The following FAM53B variants were observed in gnomAD, a reference collection of about 807,000 sequenced individuals.
FAM53B encodes the protein protein FAM53B.
FAM53B carries 12 observed loss-of-function variants against 32.7 expected under a neutral mutation model. That is an observed-to-expected ratio of 0.37 (90% confidence interval 0.24 to 0.59). The LOEUF (loss-of-function observed/expected upper bound fraction) is 0.59, where lower values mean the gene tolerates loss of function less well. Among genes scored for constraint, FAM53B ranks in the 20% least tolerant of loss-of-function variants. FAM53B has a pLI of 0.72. For missense variants in FAM53B, 477 were observed against 577.7 expected (o/e 0.83, Z 1.79); for synonymous variants, 234 against 228.7 (o/e 1.02, Z -0.21).
At chr10:124,629,848 G>A (rs1252832295) in intron 4 of FAM53B, among the ~76,000 whole-genome samples, 1 of 152,242 alleles carries the variant, frequency 6.6e-6, no homozygotes, top group Admixed American at 6.5e-5. Context: ...TGGATTTTGC[G>A]TGAAGGCCGT....
chr10:124,706,257 G>T (rs1421379982), intron 2 of FAM53B, among the ~76,000 whole-genome samples: 3 of 152,130 alleles, frequency 2.0e-5, no homozygotes, highest in Admixed American at 6.5e-5. Flanking sequence ...CCCTTCAGAG[G>T]GACAGGCTTA....
rs1589748094 is a variant in FAM53B, at chr10:124,678,816, AG to A, written c.906+2790del. On this transcript the variant is annotated intron_variant, in intron 4 of 4. Transcript: ENST00000337318. ...GGACCCTTTCCTGCTGGCGGATTGGAGGGGCTCCAGCTAACCACAGTCTATC... is the reference window on the plus strand; with the variant it reads ...GGACCCTTTCCTGCTGGCGGATTGGAGGGCTCCAGCTAACCACAGTCTATC... Among the ~76,000 whole-genome samples the A allele has an allele frequency of 6.6e-5, 10 of 152,210 alleles. 1 individual carries two copies. In the East Asian group the frequency reaches 1.9e-3, roughly 29 times the overall value.
At chr10:124,702,011 C>G (rs950490953) in intron 2 of FAM53B, among the ~76,000 whole-genome samples, 9 of 152,182 alleles carry the variant, frequency 5.9e-5, no homozygotes, top group African/African-American at 2.2e-4. Flanking sequence ...GAATTGGCCA[C>G]GAGCTCCTCC....
chr10:124,621,029 C>G lies in FAM53B; in HGVS notation c.*2213G>C, dbSNP rs1949307407. ...TGGCAGGCAAGGTTTGAGGGCAGGTCACCCACACCCCAGTCCCACGACATA... is the reference window on the plus strand; with the variant it reads ...TGGCAGGCAAGGTTTGAGGGCAGGTGACCCACACCCCAGTCCCACGACATA... On this transcript the variant is annotated 3_prime_UTR_variant, in exon 5 of 5. Coordinates refer to ENST00000337318, the MANE Select transcript of FAM53B (RefSeq NM_014661.4). 1 of 152,216 alleles carries G rather than the reference C, an allele frequency of 6.6e-6. No individual in the cohort carries two copies. Among genetic ancestry groups the G allele is most frequent in the African/African-American group, 2.4e-5 (1 of 41,424 alleles). The allele number at this position is 152,216 out of a possible 1,614,324, so 9.4% of individuals were successfully genotyped here. A position where few individuals can be genotyped will look rare whatever the true frequency, so the allele number is the denominator to read the frequency against.
chr10:124,726,921 T>C lies in FAM53B; in HGVS notation c.-175+17092A>G, dbSNP rs546389475. ...AGTTATCTACTTGGTACACAGCAGC[T>C]AGGCTGCCTGTCATGAGAATTTAAA... is the stretch of plus-strand genomic sequence containing the variant. On this transcript the variant is annotated intron_variant, in intron 1 of 4. Coordinates refer to ENST00000337318, the MANE Select transcript of FAM53B (RefSeq NM_014661.4). Among the ~76,000 whole-genome samples, 114 of 152,374 alleles carry C rather than the reference T, an allele frequency of 7.5e-4. 3 individuals are homozygous for C. The South Asian group carries it at 0.023, about 31-fold the overall frequency.
rs1468787292 is a variant in FAM53B, at chr10:124,727,348, G to A, written c.-175+16665C>T. ...GTGATTGTGGGGGGGGGGGGGGTGC[G>A]GGGGTACAAAATGAATCCCCAGGTC... On this transcript the variant is annotated intron_variant, in intron 1 of 4. Coordinates refer to ENST00000337318, the MANE Select transcript of FAM53B (RefSeq NM_014661.4). Among the ~76,000 whole-genome samples, 14 of 146,050 alleles carry A rather than the reference G, an allele frequency of 9.6e-5. 1 individual carries two copies. Among genetic ancestry groups the A allele is most frequent in the African/African-American group, 2.8e-4 (11 of 39,116 alleles).
At chr10:124,676,786 A>C (rs1949739240) in intron 4 of FAM53B, among the ~76,000 whole-genome samples, 1 of 152,042 alleles carries the variant, frequency 6.6e-6, no homozygotes, top group South Asian at 2.1e-4. Flanking sequence ...CGGCTCTCAG[A>C]GGCTTCCCAA....
At chr10:124,672,528 C>G (rs1949712668) in intron 4 of FAM53B, among the ~76,000 whole-genome samples, 1 of 152,234 alleles carries the variant, frequency 6.6e-6, no homozygotes, top group South Asian at 2.1e-4. Context: ...CCCCTTGTTT[C>G]CCGGAGCTGC....
At chr10:124,712,038 G>GAT (rs1018867495) in intron 1 of FAM53B, among the ~76,000 whole-genome samples, 42 of 152,102 alleles carry the variant, frequency 2.8e-4, no homozygotes, top group African/African-American at 1.0e-3. Flanking sequence ...CCAGCCTGGT[G>GAT]ATAGAGGGAG....
rs577283755 is a variant in FAM53B at position 124,648,017 on chromosome 10, C to T, written c.907-24413G>A. Among the ~76,000 whole-genome samples the T allele has an allele frequency of 1.9e-4, 29 of 152,280 alleles. 1 individual carries two copies. The highest frequency in any genetic ancestry group is 6.5e-4 in the African/African-American group (27 of 41,552). On this transcript the variant is annotated intron_variant, in intron 4 of 4. Transcript: ENST00000337318. ...GAGTCAACAGGAAATGCACTGGGGACGCCATGGGGCTGGCTGAGGCCTCAC... is the reference window on the plus strand; with the variant it reads ...GAGTCAACAGGAAATGCACTGGGGATGCCATGGGGCTGGCTGAGGCCTCAC...
chr10:124,701,352 T>C (rs1214662457), intron 2 of FAM53B, among the ~76,000 whole-genome samples: 1 of 152,270 alleles, frequency 6.6e-6, no homozygotes, highest in African/African-American at 2.4e-5. Flanking sequence ...GTGCTTGTTC[T>C]AGCTACCAGA....
chr10:124,740,092 A>C (rs1589770214), intron 1 of FAM53B, among the ~76,000 whole-genome samples: 2 of 152,174 alleles, frequency 1.3e-5, no homozygotes, highest in Non-Finnish European at 2.9e-5. Context: ...ACTCCAAGAC[A>C]CCCAGAAGCC....
rs1349283447 is a variant in FAM53B, at chr10:124,711,979, G to T, written c.-174-5092C>A. ...TCAGAAGTCTGAGGCAAGATGGCTTGAGCCCAGGAGTTTGAAGTTGAAATG... is the reference window on the plus strand; with the variant it reads ...TCAGAAGTCTGAGGCAAGATGGCTTTAGCCCAGGAGTTTGAAGTTGAAATG... On this transcript the variant is annotated intron_variant, in intron 1 of 4. Transcript: ENST00000337318. Among the ~76,000 whole-genome samples the T allele has an allele frequency of 3.3e-5, 5 of 152,162 alleles. 1 individual carries two copies. Among genetic ancestry groups the T allele is most frequent in the Admixed American group, 3.3e-4 (5 of 15,284 alleles).
At chr10:124,656,411 T>C (rs1477164429) in intron 4 of FAM53B, among the ~76,000 whole-genome samples, 1 of 152,246 alleles carries the variant, frequency 6.6e-6, no homozygotes, top group East Asian at 1.9e-4. Flanking sequence ...TTGGGTACAA[T>C]GCCACAGTGA....
chr10:124,662,766 G>A (rs1385542794), intron 4 of FAM53B, among the ~76,000 whole-genome samples: 1 of 152,224 alleles, frequency 6.6e-6, no homozygotes, highest in Admixed American at 6.5e-5. Flanking sequence ...CAAGGTTATA[G>A]TTAGCTACGA....
chr10:124,627,165 G>C (rs1949361201), intron 4 of FAM53B, among the ~76,000 whole-genome samples: 1 of 152,196 alleles, frequency 6.6e-6, no homozygotes, highest in South Asian at 2.1e-4. Context: ...CCACCTGTCA[G>C]GAAGGAATGT....
intron 1 of FAM53B, among the ~76,000 whole-genome samples, chr10:124,716,539 A>C (rs1950039350): frequency 6.6e-6 from 1 of 152,156 alleles, no homozygotes. Context: ...AGCCAAAACA[A>C]ATCTCAACAT....
At position 124,667,218 on chromosome 10, in the gene FAM53B, T is replaced by C. The variant is rs563191195; in HGVS notation, c.906+14389A>G. ...TGCATTCATGATTTACTTACATCGA[T>C]GACATGTGGAAATGATAGTATTTTG... On this transcript the variant is annotated intron_variant, in intron 4 of 4. Transcript: ENST00000337318. 1.1e-3 allele frequency: 592 copies of C among 559,002 alleles called. 2 individuals are homozygous for C. Among genetic ancestry groups the C allele is most frequent in the South Asian group, 6.3e-3 (271 of 42,918 alleles). The allele number at this position is 559,002 out of a possible 1,614,324, so 34.6% of individuals were successfully genotyped here.
At chr10:124,699,854 C>T (rs185152114) in intron 2 of FAM53B, among the ~76,000 whole-genome samples, 45 of 152,344 alleles carry the variant, frequency 3.0e-4, no homozygotes, top group Admixed American at 2.0e-3. Context: ...TGAGCACCTG[C>T]TTCTAAAGTC....
Sources: allele counts gnomAD v4.1 joint callset (sites outside exome capture counted in the v4.1 genomes callset), GRCh38; gene constraint gnomAD v4.1.1; transcripts MANE v1.5; gene names NCBI Gene and HGNC (gene_info 2026-07-23, HGNC 2026-07-21).